Variants in EPHA3 observed in about 807,000 individuals in gnomAD.
EPHA3 encodes the protein ephrin type-A receptor 3.
A neutral mutation model predicts 107.1 loss-of-function variants in EPHA3; 42 were observed. The observed-to-expected ratio is 0.39, with a 90% confidence interval of 0.31 to 0.51. EPHA3 has a LOEUF of 0.51. EPHA3 is among the 20% of genes least tolerant of loss of function. The probability of loss-of-function intolerance (pLI) is 0.78; values close to 1 mark genes in which losing one functional copy is unlikely to be tolerated. For missense variants in EPHA3, 1,183 were observed against 1,211.2 expected (o/e 0.98, Z 0.35); for synonymous variants, 461 against 424.8 (o/e 1.09, Z -1.05).
At chr3:89,422,086 A>C (rs1709362999) in intron 11 of EPHA3, among the ~76,000 whole-genome samples, 1 of 151,084 alleles carries the variant, frequency 6.6e-6, no homozygotes, top group African/African-American at 2.4e-5. Context: ...CCCTAGAATT[A>C]GATTTTGAAC....
intron 2 of EPHA3, among the ~76,000 whole-genome samples, chr3:89,187,929 C>G (rs7614353): frequency 0.14 from 21,949 of 152,014 alleles, 1,750 homozygotes; most frequent in African/African-American, 0.22. Flanking sequence ...CACCACAAAC[C>G]TGCTTTCTTT....
intron 2 of EPHA3, among the ~76,000 whole-genome samples, chr3:89,192,401 T>C (rs1705741051): frequency 6.6e-6 from 1 of 152,010 alleles, no homozygotes; most frequent in South Asian, 2.1e-4. Context: ...ATAGTAAGGC[T>C]AAGATTTGAA....
At chr3:89,167,606 GTC>G (rs1705103052) in intron 2 of EPHA3, among the ~76,000 whole-genome samples, 1 of 152,190 alleles carries the variant, frequency 6.6e-6, no homozygotes, top group African/African-American at 2.4e-5. Context: ...TAAGGTAGTT[GTC>G]TCTGTTTTTG....
chr3:89,382,635 G>A (rs546663581), intron 5 of EPHA3, among the ~76,000 whole-genome samples: 2 of 152,266 alleles, frequency 1.3e-5, no homozygotes, highest in South Asian at 4.1e-4. Flanking sequence ...GGTTTCATGA[G>A]AAAGGCAAGA....
At chr3:89,224,336 G>A (rs375835033) in intron 3 of EPHA3, among the ~76,000 whole-genome samples, 1 of 152,190 alleles carries the variant, frequency 6.6e-6, no homozygotes, top group Admixed American at 6.5e-5. Context: ...GGGCAAATGA[G>A]TTGGGATAGT....
chr3:89,122,812 G>T (rs1467804671), intron 1 of EPHA3, among the ~76,000 whole-genome samples: 2 of 152,122 alleles, frequency 1.3e-5, no homozygotes, highest in East Asian at 3.9e-4. Flanking sequence ...TAGTAACTGA[G>T]AATTTGAAAT....
At chr3:89,243,800 G>T (rs1241487882) in intron 3 of EPHA3, among the ~76,000 whole-genome samples, 1 of 152,016 alleles carries the variant, frequency 6.6e-6, no homozygotes, top group African/African-American at 2.4e-5. Flanking sequence ...TTTAGTTAAT[G>T]CTTAAAACAC....
At chr3:89,405,018 G>A (rs993764900) in intron 7 of EPHA3, among the ~76,000 whole-genome samples, 1 of 152,190 alleles carries the variant, frequency 6.6e-6, no homozygotes, top group African/African-American at 2.4e-5. Flanking sequence ...ACAGCCAGAT[G>A]CTCTGGGAGG....
At chr3:89,109,971 G>C (rs1466301307) in intron 1 of EPHA3, among the ~76,000 whole-genome samples, 1 of 151,952 alleles carries the variant, frequency 6.6e-6, no homozygotes, top group African/African-American at 2.4e-5. Context: ...ATTATCCATA[G>C]CTGGGCTCTC....
intron 5 of EPHA3, among the ~76,000 whole-genome samples, chr3:89,391,420 T>A (rs890465426): frequency 3.5e-5 from 5 of 143,536 alleles, no homozygotes; most frequent in African/African-American, 1.1e-4. Context: ...TTCTTTCTTT[T>A]CTTTTTTTTT....
At chr3:89,399,703 A>G in intron 7 of EPHA3, 3 of 1,237,338 alleles carry the variant, frequency 2.4e-6, no homozygotes, top group Non-Finnish European at 3.0e-6. Flanking sequence ...AATCAAACAT[A>G]TTCTAATGCC....
At chr3:89,336,152 T>C (rs182811689) in intron 3 of EPHA3, among the ~76,000 whole-genome samples, 3 of 152,314 alleles carry the variant, frequency 2.0e-5, no homozygotes, top group South Asian at 2.1e-4. Context: ...CATTAATACA[T>C]CTACTTTTTA....
In EPHA3 at chr3:89,177,569, T is replaced by A. The variant is rs577714868; in HGVS notation, c.154-32291T>A. On this transcript the variant is annotated intron_variant, in intron 2 of 16. Coordinates refer to ENST00000336596, the MANE Select transcript of EPHA3 (RefSeq NM_005233.6). ...CCTTTCTCTTTTAGGTTTCATTTTT[T>A]AAAAATTTTTGAAATTATCAATTAG... is the stretch of plus-strand genomic sequence containing the variant. Among the ~76,000 whole-genome samples, 76 of 152,320 alleles carry A rather than the reference T, an allele frequency of 5.0e-4. No individual in the cohort carries two copies. The South Asian group carries it at 0.015, about 30-fold the overall frequency.
intron 2 of EPHA3, among the ~76,000 whole-genome samples, chr3:89,157,641 G>C (rs1415145495): frequency 1.3e-5 from 2 of 151,876 alleles, no homozygotes; most frequent in Non-Finnish European, 2.9e-5. Flanking sequence ...CCAGGGCAGG[G>C]GAACCCAGAA....
At chr3:89,470,884 C>T (rs1020458383) in intron 15 of EPHA3, among the ~76,000 whole-genome samples, 1 of 152,094 alleles carries the variant, frequency 6.6e-6, no homozygotes, top group African/African-American at 2.4e-5. Flanking sequence ...AGCATCAGTG[C>T]CTAACAGGTA....
At chr3:89,140,053 C>T (rs776760069) in intron 2 of EPHA3, among the ~76,000 whole-genome samples, 1 of 151,736 alleles carries the variant, frequency 6.6e-6, no homozygotes, top group African/African-American at 2.4e-5. Flanking sequence ...TTATTATTAG[C>T]TTTCCATTCT....
chr3:89,142,320 G>A (rs954336830), intron 2 of EPHA3, among the ~76,000 whole-genome samples: 4 of 151,188 alleles, frequency 2.6e-5, no homozygotes, highest in Non-Finnish European at 4.4e-5. Flanking sequence ...TATATTTACC[G>A]CAATGTTTAA....
At chr3:89,254,744 C>A (rs1186371271) in intron 3 of EPHA3, among the ~76,000 whole-genome samples, 3 of 152,180 alleles carry the variant, frequency 2.0e-5, no homozygotes, top group Non-Finnish European at 2.9e-5. Flanking sequence ...TAGATTTAGA[C>A]CATCTTTCAA....
intron 15 of EPHA3, among the ~76,000 whole-genome samples, 179 bp from the exon 16 acceptor site, chr3:89,472,285 C>T (rs1348015959): frequency 2.0e-5 from 3 of 152,184 alleles, no homozygotes; most frequent in Non-Finnish European, 2.9e-5. Flanking sequence ...GATGATTACA[C>T]GGCGTTCCTC....
Sources: allele counts gnomAD v4.1 joint callset (sites outside exome capture counted in the v4.1 genomes callset), GRCh38; gene constraint gnomAD v4.1.1; transcripts MANE v1.5; gene names NCBI Gene and HGNC (gene_info 2026-07-23, HGNC 2026-07-21).